The following CCDC141 variants were observed in gnomAD, a reference collection of about 807,000 sequenced individuals.
CCDC141 encodes coiled-coil domain-containing protein 141.
A neutral mutation model predicts 181.0 loss-of-function variants in CCDC141; 168 were observed. The ratio of observed to expected loss-of-function variants is 0.93; its 90% confidence interval spans 0.82 to 1.05. The LOEUF (loss-of-function observed/expected upper bound fraction) is 1.05, where lower values mean the gene tolerates loss of function less well. CCDC141 is among the 50% of genes least tolerant of loss of function. The pLI is 0.00. For synonymous variants in CCDC141, 666 were observed against 642.3 expected (o/e 1.04, Z -0.56); for missense variants, 1,902 against 1,788.5 (o/e 1.06, Z -1.14).
At chr2:178,986,303 G>A (rs901599604) in intron 2 of CCDC141, among the ~76,000 whole-genome samples, 1 of 152,100 alleles carries the variant, frequency 6.6e-6, no homozygotes, top group Non-Finnish European at 1.5e-5. Flanking sequence ...ATTAGGTATT[G>A]ATGGGACATA....
intron 5 of CCDC141, among the ~76,000 whole-genome samples, chr2:178,944,997 T>C (rs1689670838): frequency 1.3e-5 from 2 of 152,104 alleles, no homozygotes; most frequent in Non-Finnish European, 2.9e-5. Context: ...TTCCTGGAAA[T>C]GAATATGAAT....
chr2:178,906,839 T>C (rs1445969178), intron 7 of CCDC141, among the ~76,000 whole-genome samples: 2 of 152,036 alleles, frequency 1.3e-5, no homozygotes, highest in Non-Finnish European at 2.9e-5. Context: ...CGAAGCCAAA[T>C]GTAGAGGCTA....
chr2:178,940,295 C>T (rs1689454738), intron 6 of CCDC141, among the ~76,000 whole-genome samples: 1 of 152,054 alleles, frequency 6.6e-6, no homozygotes, highest in African/African-American at 2.4e-5. Flanking sequence ...ATACAACTTT[C>T]CAAATTTACA....
intron 22 of CCDC141, among the ~76,000 whole-genome samples, chr2:178,839,539 C>T (rs1357819516): frequency 4.1e-5 from 5 of 122,234 alleles, no homozygotes; most frequent in Non-Finnish European, 7.9e-5. Flanking sequence ...GAGATCGTGC[C>T]ATTGTACCCC....
intron 2 of CCDC141, among the ~76,000 whole-genome samples, chr2:178,997,901 C>T (rs79681854): frequency 6.6e-6 from 1 of 152,118 alleles, no homozygotes; most frequent in African/African-American, 2.4e-5. Context: ...CCCGTCCCCC[C>T]TCAAGTGGTC....
At chr2:178,963,610 C>A (rs903315688) in intron 4 of CCDC141, among the ~76,000 whole-genome samples, 3 of 151,568 alleles carry the variant, frequency 2.0e-5, no homozygotes, top group African/African-American at 7.3e-5. Flanking sequence ...TTTATTACAC[C>A]GCAATGATGT....
chr2:178,905,996 T>C lies in CCDC141; in HGVS notation c.1093-495A>G, dbSNP rs796615517. Among the ~76,000 whole-genome samples, 9 of 152,342 alleles carry C rather than the reference T, an allele frequency of 5.9e-5. 1 individual carries two copies. Among genetic ancestry groups the C allele is most frequent in the African/African-American group, 2.2e-4 (9 of 41,580 alleles). On this transcript the variant is annotated intron_variant, in intron 7 of 23. Transcript: ENST00000443758. ...TTCAAGAAATTATGAATGTCCTTTT[T>C]TTCTCTTGCTTTTGCAGATATAAGA... is the stretch of plus-strand genomic sequence containing the variant.
intron 11 of CCDC141, among the ~76,000 whole-genome samples, chr2:178,880,776 C>G (rs1686566127): frequency 6.6e-6 from 1 of 152,052 alleles, no homozygotes; most frequent in African/African-American, 2.4e-5. Context: ...GTACCTAGTA[C>G]AAAGTAAATG....
At chr2:178,959,993 T>C (rs1439095522) in intron 5 of CCDC141, among the ~76,000 whole-genome samples, 1 of 152,188 alleles carries the variant, frequency 6.6e-6, no homozygotes, top group Non-Finnish European at 1.5e-5. Context: ...ATTAATTTGG[T>C]CCCCCAGGGG....
At chr2:178,888,161 G>C (rs1215509811) in intron 9 of CCDC141, among the ~76,000 whole-genome samples, 1 of 152,132 alleles carries the variant, frequency 6.6e-6, no homozygotes, top group African/African-American at 2.4e-5. Context: ...CTACAGTCCT[G>C]GTGTTGTATG....
chr2:178,933,195 C>T (rs1225424883), intron 6 of CCDC141, among the ~76,000 whole-genome samples: 1 of 152,130 alleles, frequency 6.6e-6, no homozygotes, highest in Non-Finnish European at 1.5e-5. Context: ...TTTCTATACA[C>T]AATTTTCAGT....
At chr2:178,847,620 C>T (rs1239938022) in intron 21 of CCDC141, among the ~76,000 whole-genome samples, 1 of 152,076 alleles carries the variant, frequency 6.6e-6, no homozygotes, top group East Asian at 1.9e-4. Context: ...AGAGGGTTTC[C>T]TTAAGTATAA....
intron 22 of CCDC141, among the ~76,000 whole-genome samples, chr2:178,845,373 A>G (rs1018229936): frequency 1.3e-5 from 2 of 152,214 alleles, no homozygotes; most frequent in Non-Finnish European, 1.5e-5. Flanking sequence ...GGCTGTCCCA[A>G]TGCTACTGTG....
chr2:178,962,247 G>T (rs115971121), intron 4 of CCDC141, among the ~76,000 whole-genome samples: 1,665 of 152,300 alleles, frequency 0.011, 35 homozygotes, highest in African/African-American at 0.038. Flanking sequence ...TACCAAGGGA[G>T]AAAGTGTAGA....
At chr2:179,034,443 T>C (rs4894074) in intron 2 of CCDC141, among the ~76,000 whole-genome samples, 29,336 of 152,046 alleles carry the variant, frequency 0.19, 3,311 homozygotes, top group Admixed American at 0.3. Context: ...ACAACAAACC[T>C]CCATAACACA....
At chr2:178,855,120 C>T (rs868431350) in intron 19 of CCDC141, among the ~76,000 whole-genome samples, 1 of 152,068 alleles carries the variant, frequency 6.6e-6, no homozygotes, top group Non-Finnish European at 1.5e-5. Context: ...TTAGTAAAGA[C>T]TTTTCTCAAG....
At chr2:178,841,946 TA>T (rs1684741822) in intron 22 of CCDC141, among the ~76,000 whole-genome samples, 2 of 152,228 alleles carry the variant, frequency 1.3e-5, no homozygotes, top group African/African-American at 4.8e-5. Flanking sequence ...AACATTATTT[TA>T]AAACTCACTG....
chr2:178,940,150 G>A (rs1689448427), intron 6 of CCDC141, among the ~76,000 whole-genome samples: 1 of 152,218 alleles, frequency 6.6e-6, no homozygotes, highest in Non-Finnish European at 1.5e-5. Flanking sequence ...AACTTGGCAG[G>A]AGGGCTGAAT....
chr2:178,864,461 CA>C (rs747396614), intron 17 of CCDC141, among the ~76,000 whole-genome samples: 13 of 152,190 alleles, frequency 8.5e-5, no homozygotes, highest in South Asian at 2.1e-4. Context: ...ACTACCGGTT[CA>C]ACCCCGAAGA....
Sources: gnomAD v4.1 joint callset for allele counts (sites outside exome capture counted in the v4.1 genomes callset) on GRCh38, gnomAD v4.1.1 for gene constraint, MANE v1.5 for transcripts, NCBI Gene and HGNC (gene_info 2026-07-23, HGNC 2026-07-21) for gene names.